The following OSBPL1A variants were observed in gnomAD, a reference collection of about 807,000 sequenced individuals.
OSBPL1A encodes oxysterol-binding protein-related protein 1.
A neutral mutation model predicts 137.1 loss-of-function variants in OSBPL1A; 80 were observed. The ratio of observed to expected loss-of-function variants is 0.58; its 90% CI spans 0.49 to 0.70. The LOEUF (loss-of-function observed/expected upper bound fraction) is 0.70, where lower values mean the gene tolerates loss of function less well. OSBPL1A is among the 30% of genes least tolerant of loss of function. The pLI is 0.00. For missense variants in OSBPL1A, 970 were observed against 1,129.4 expected, an observed-to-expected ratio of 0.86 and a Z score of 2.02; for synonymous variants, 365 against 389.7, an observed-to-expected ratio of 0.94 and a Z score of 0.75.
In OSBPL1A at chr18:24,248,967, C is replaced by T. The variant is rs533550402; in HGVS notation, c.1282-9585G>A. 9.2e-5 allele frequency among the ~76,000 whole-genome samples: 14 copies of T among 152,298 alleles called. 1 individual carries two copies. The South Asian group carries it at 1.0e-3, about 11-fold the overall frequency. On this transcript the variant is annotated intron_variant, in intron 15 of 27. Transcript: ENST00000319481. ...TCTTTTACAAAGCAGATAAGATGAA[C>T]GCGTCTTCTGAAACAAAAGTCGTGT...
chr18:24,333,142 C>A, intron 6 of OSBPL1A, 56 bp from the exon 7 acceptor site: 1 of 1,567,326 alleles, frequency 6.4e-7, no homozygotes, highest in Non-Finnish European at 8.7e-7. Context: ...ACTTTCCTCT[C>A]ATAATTCACA....
rs573904765 is a variant in OSBPL1A at position 24,271,599 on chromosome 18, G to A, written c.1281+9243C>T. ...CCCCAGGCTGCCCCGCAAAGCCACCGAGCTGCAAATACACCCACCTACCTG... is the reference window on the plus strand; with the variant it reads ...CCCCAGGCTGCCCCGCAAAGCCACCAAGCTGCAAATACACCCACCTACCTG... On this transcript the variant is annotated intron_variant, in intron 15 of 27. Transcript: ENST00000319481. This position sits in a 1 kb window ranked among gnomAD's most constrained non-coding sequence, Gnocchi z 4.0. 33 of 986,736 alleles carry A rather than the reference G, an allele frequency of 3.3e-5. No homozygotes were observed. The highest frequency in any genetic ancestry group is 4.0e-5 in the Non-Finnish European group (33 of 831,042). The allele number at this position is 986,736 out of a possible 1,614,324, so 61.1% of individuals were successfully genotyped here. A position where few individuals can be genotyped will look rare whatever the true frequency, so the allele number is the denominator to read the frequency against.
chr18:24,195,083 G>A (rs2086988359), intron 18 of OSBPL1A, among the ~76,000 whole-genome samples: 1 of 152,126 alleles, frequency 6.6e-6, no homozygotes, highest in Non-Finnish European at 1.5e-5. Context: ...AGGACTGCTT[G>A]AGCCCAGGAG....
intron 7 of OSBPL1A, among the ~76,000 whole-genome samples, chr18:24,325,415 GTTC>G (rs375321068): frequency 2.0e-5 from 3 of 152,314 alleles, no homozygotes; most frequent in African/African-American, 7.2e-5. Flanking sequence ...TGTGCCACGT[GTTC>G]TTCTACTCCA....
At chr18:24,315,554 T>C (rs990181308) in intron 11 of OSBPL1A, among the ~76,000 whole-genome samples, 2 of 140,148 alleles carry the variant, frequency 1.4e-5, no homozygotes, top group Admixed American at 1.5e-4. Flanking sequence ...ATTCATAATA[T>C]TAATAATATT....
At chr18:24,370,222 AAAC>A (rs1905516245) in intron 2 of OSBPL1A, among the ~76,000 whole-genome samples, 1 of 152,194 alleles carries the variant, frequency 6.6e-6, no homozygotes, top group Admixed American at 6.5e-5. Flanking sequence ...CACTGTCTCA[AAAC>A]AACAACAAAA....
At chr18:24,323,962 G>A in intron 7 of OSBPL1A, among the ~76,000 whole-genome samples, 1 of 62,820 alleles carries the variant, frequency 1.6e-5, no homozygotes, top group Non-Finnish European at 3.1e-5. Flanking sequence ...TTGGGCATTT[G>A]GGTTGGTTCC....
intron 18 of OSBPL1A, among the ~76,000 whole-genome samples, chr18:24,193,672 T>C (rs1000884949): frequency 1.3e-5 from 2 of 152,126 alleles, no homozygotes; most frequent in Non-Finnish European, 2.9e-5. Flanking sequence ...CAATCCACAT[T>C]AATAAAAATG....
chr18:24,316,248 G>A (rs1055318845), intron 11 of OSBPL1A, among the ~76,000 whole-genome samples: 1 of 151,856 alleles, frequency 6.6e-6, no homozygotes, highest in Admixed American at 6.6e-5. Context: ...GAGACAGAGC[G>A]AGATTCCATC....
intron 16 of OSBPL1A, among the ~76,000 whole-genome samples, chr18:24,233,907 C>T (rs1315317446): frequency 6.6e-6 from 1 of 152,158 alleles, no homozygotes; most frequent in Non-Finnish European, 1.5e-5. Flanking sequence ...CTCGCCTTGG[C>T]CTCCCAAAGT....
chr18:24,211,663 T>TAAAAAAAA (rs55928349), intron 17 of OSBPL1A, among the ~76,000 whole-genome samples: 21 of 144,216 alleles, frequency 1.5e-4, no homozygotes, highest in Middle Eastern at 7.0e-3. Flanking sequence ...ACAAGGCAGT[T>TAAAAAAAA]AAAAAAAAAA....
At position 24,190,803 on chromosome 18, in the gene OSBPL1A, G is replaced by A. The variant is rs1052834450; in HGVS notation, c.1677+5322C>T. Among the ~76,000 whole-genome samples the A allele has an allele frequency of 1.2e-4, 18 of 152,144 alleles. 1 individual carries two copies. The highest frequency in any genetic ancestry group is 1.2e-3 in the Admixed American group (18 of 15,282). On this transcript the variant is annotated intron_variant, in intron 18 of 27. Transcript: ENST00000319481. ...GCACTGTTGTCATGGTGGCATATAG[G>A]GTATCACATGTTTATCTGATTCCAG...
At chr18:24,281,192 T>G (rs1369741995) in intron 14 of OSBPL1A, among the ~76,000 whole-genome samples, 1 of 151,972 alleles carries the variant, frequency 6.6e-6, no homozygotes, top group African/African-American at 2.4e-5. Context: ...TTCAAGCAAT[T>G]CTTCTGCCTC....
chr18:24,280,209 C>T (rs575859227), intron 15 of OSBPL1A, among the ~76,000 whole-genome samples: 1 of 151,642 alleles, frequency 6.6e-6, no homozygotes, highest in Non-Finnish European at 1.5e-5. Context: ...CCTCCCAAAG[C>T]GCTGGGATTA....
intron 15 of OSBPL1A, among the ~76,000 whole-genome samples, chr18:24,267,288 A>C (rs1315617227): frequency 6.6e-6 from 1 of 151,958 alleles, no homozygotes; most frequent in Non-Finnish European, 1.5e-5. Context: ...AGAAACATTA[A>C]ATATATGTAG....
intron 7 of OSBPL1A, among the ~76,000 whole-genome samples, chr18:24,325,962 C>T (rs2090968975): frequency 6.6e-6 from 1 of 151,478 alleles, no homozygotes; most frequent in Admixed American, 6.6e-5. Flanking sequence ...TGCTGTGTTG[C>T]CCAGCCTACA....
chr18:24,366,790 G>T lies in OSBPL1A; in HGVS notation c.282+102C>A. 1.1e-5 allele frequency: 13 copies of T among 1,157,646 alleles called. No individual in the cohort carries two copies. In the Admixed American group the frequency reaches 1.3e-4, roughly 11 times the overall value. 71.7% of individuals were successfully genotyped at this position (1,157,646 alleles called of 1,614,324 possible). A position where few individuals can be genotyped will look rare whatever the true frequency, so the allele number is the denominator to read the frequency against. ...GCTGGTGTATACATTTTTTTGTGTG[G>T]CTTTCTTCGGTTGCTGGTCAGATGG... On this transcript the variant is annotated intron_variant, in intron 4 of 27. Coordinates refer to ENST00000319481, the MANE Select transcript of OSBPL1A (RefSeq NM_080597.4).
intron 18 of OSBPL1A, among the ~76,000 whole-genome samples, chr18:24,189,413 G>A (rs920446887): frequency 2.0e-5 from 3 of 152,140 alleles, no homozygotes; most frequent in South Asian, 2.1e-4. Flanking sequence ...GTGCTCCCCC[G>A]CGTGTGTGAC....
chr18:24,331,617 C>T lies in OSBPL1A; in HGVS notation c.625+1325G>A, dbSNP rs951400037. On this transcript the variant is annotated intron_variant, in intron 7 of 27. Coordinates refer to ENST00000319481, the MANE Select transcript of OSBPL1A (RefSeq NM_080597.4). ...TTCACCGTGTTAGCCAGGATGGTCT[C>T]GATCTCCTGACCTCGTGATCCGCCC... Among the ~76,000 whole-genome samples, 11 of 150,630 alleles carry T rather than the reference C, an allele frequency of 7.3e-5. 1 individual carries two copies. Among genetic ancestry groups the T allele is most frequent in the African/African-American group, 2.2e-4 (9 of 40,232 alleles).
Sources: allele counts gnomAD v4.1 joint callset (sites outside exome capture counted in the v4.1 genomes callset), GRCh38; gene constraint gnomAD v4.1.1; non-coding constraint Gnocchi (gnomAD v3.1); transcripts MANE v1.5; gene names NCBI Gene and HGNC (gene_info 2026-07-23, HGNC 2026-07-21).